The following TBC1D22B variants were observed in gnomAD, a reference collection of about 807,000 sequenced individuals.
TBC1D22B encodes TBC1 domain family member 22B, also known as chromosome 6 open reading frame 197.
In TBC1D22B, 32 loss-of-function variants were observed where a neutral mutation model predicts 69.1. That is an observed-to-expected ratio of 0.46 (90% CI 0.35 to 0.62). TBC1D22B has a LOEUF of 0.62. Ranked by LOEUF, TBC1D22B falls within the 20% of genes least tolerant of loss-of-function variation. The probability of loss-of-function intolerance (pLI) is 0.00; values close to 1 mark genes in which losing one functional copy is unlikely to be tolerated. For synonymous variants in TBC1D22B, 206 were observed against 229.8 expected (o/e 0.90, Z 0.94); for missense variants, 462 against 630.9 (o/e 0.73, Z 2.87).
intron 8 of TBC1D22B, among the ~76,000 whole-genome samples, chr6:37,295,374 G>A (rs114071217): frequency 1.5e-3 from 232 of 152,284 alleles, no homozygotes; most frequent in African/African-American, 5.3e-3. Context: ...CCAAAGTCCT[G>A]AGAGTATAGG....
chr6:37,285,315 C>CTTTTTTTTTTTT lies in TBC1D22B; in HGVS notation c.801+867_801+878dup, dbSNP rs756459599. ...GCCAACTCCTTTTGGTCCTTCCCCA[C>CTTTTTTTTTTTT]TTTTTTTTTTTTTTTTTTTTTTTTT... On this transcript the variant is annotated intron_variant, in intron 6 of 12. Transcript: ENST00000373491. Among the ~76,000 whole-genome samples, 11 of 73,550 alleles carry CTTTTTTTTTTTT rather than the reference C, an allele frequency of 1.5e-4. 4 individuals carry two copies. Among genetic ancestry groups the CTTTTTTTTTTTT allele is most frequent in the African/African-American group, 4.7e-4 (8 of 16,846 alleles). 48.3% of individuals were successfully genotyped at this position (73,550 alleles called of 152,430 possible). A position where few individuals can be genotyped will look rare whatever the true frequency, so the allele number is the denominator to read the frequency against.
chr6:37,315,475 C>G (rs1009603280), intron 10 of TBC1D22B, among the ~76,000 whole-genome samples: 4 of 151,912 alleles, frequency 2.6e-5, no homozygotes, highest in African/African-American at 7.3e-5. Flanking sequence ...AAGGATCACT[C>G]GAGCCCAGGA....
intron 2 of TBC1D22B, among the ~76,000 whole-genome samples, chr6:37,272,891 T>C (rs1395052366): frequency 2.0e-5 from 3 of 152,188 alleles, no homozygotes; most frequent in Admixed American, 6.5e-5. Context: ...TGTTCAGATA[T>C]TGAGTAAGCA....
chr6:37,320,162 G>T (rs1768198432), intron 12 of TBC1D22B, among the ~76,000 whole-genome samples: 1 of 152,168 alleles, frequency 6.6e-6, no homozygotes, highest in African/African-American at 2.4e-5. Flanking sequence ...AGATATAAAG[G>T]GAGCCAGTAA....
At chr6:37,308,959 A>T (rs1368980017) in intron 8 of TBC1D22B, among the ~76,000 whole-genome samples, 1 of 149,182 alleles carries the variant, frequency 6.7e-6, no homozygotes, top group Non-Finnish European at 1.5e-5. Flanking sequence ...AAAAAAAAAA[A>T]AAGACAGTGC....
At chr6:37,280,544 A>G (rs1766791873) in intron 3 of TBC1D22B, among the ~76,000 whole-genome samples, 1 of 152,224 alleles carries the variant, frequency 6.6e-6, no homozygotes, top group Non-Finnish European at 1.5e-5. Context: ...GTGTTACTGG[A>G]CCAGGTGGCC....
intron 1 of TBC1D22B, among the ~76,000 whole-genome samples, chr6:37,263,045 C>T (rs187318529): frequency 6.6e-6 from 1 of 152,218 alleles, no homozygotes; most frequent in Non-Finnish European, 1.5e-5. Flanking sequence ...AGTGTGTTAA[C>T]TAACCTCTGG....
At chr6:37,299,242 A>G (rs1241518705) in intron 8 of TBC1D22B, among the ~76,000 whole-genome samples, 1 of 151,784 alleles carries the variant, frequency 6.6e-6, no homozygotes, top group Non-Finnish European at 1.5e-5. Flanking sequence ...TCATTTACCT[A>G]TTTTTTCTAA....
chr6:37,278,318 A>T (rs1270066756), intron 2 of TBC1D22B, among the ~76,000 whole-genome samples: 1 of 152,158 alleles, frequency 6.6e-6, no homozygotes, highest in East Asian at 1.9e-4. Flanking sequence ...CCAGCAGAAG[A>T]ACTTTTAACA....
chr6:37,274,496 C>G (rs563181373), intron 2 of TBC1D22B, among the ~76,000 whole-genome samples: 2 of 152,118 alleles, frequency 1.3e-5, no homozygotes, highest in African/African-American at 4.8e-5. Context: ...TTTAGTATTC[C>G]CTGCACTTCT....
chr6:37,258,495 TTTATC>T (rs1340826202), intron 1 of TBC1D22B, among the ~76,000 whole-genome samples: 1 of 152,178 alleles, frequency 6.6e-6, no homozygotes, highest in Non-Finnish European at 1.5e-5. Flanking sequence ...CTGACCTTAC[TTTATC>T]TTGAGTTGGC....
intron 8 of TBC1D22B, among the ~76,000 whole-genome samples, chr6:37,304,134 T>C (rs1225695219): frequency 6.6e-6 from 1 of 152,202 alleles, no homozygotes; most frequent in Non-Finnish European, 1.5e-5. Flanking sequence ...GATACTGTGC[T>C]GAATTAGCCG....
At chr6:37,316,440 C>T (rs907284753) in intron 10 of TBC1D22B, among the ~76,000 whole-genome samples, 2 of 152,182 alleles carry the variant, frequency 1.3e-5, no homozygotes, top group African/African-American at 4.8e-5. Flanking sequence ...GTGGCCAGAG[C>T]GGCCCCACAA....
chr6:37,299,134 G>A (rs1045796229), intron 8 of TBC1D22B, among the ~76,000 whole-genome samples: 3 of 152,112 alleles, frequency 2.0e-5, no homozygotes, highest in Non-Finnish European at 4.4e-5. Flanking sequence ...GATAAACCAT[G>A]GTTTGTGTTT....
intron 8 of TBC1D22B, among the ~76,000 whole-genome samples, chr6:37,301,993 C>G (rs992174631): frequency 2.0e-5 from 3 of 152,156 alleles, no homozygotes; most frequent in Non-Finnish European, 4.4e-5. Flanking sequence ...CTAGTGGAGC[C>G]GTGGGGTCCA....
chr6:37,301,684 C>T (rs922851664), intron 8 of TBC1D22B, among the ~76,000 whole-genome samples: 1 of 152,230 alleles, frequency 6.6e-6, no homozygotes, highest in African/African-American at 2.4e-5. Flanking sequence ...TCTCCCCACC[C>T]TCACACCTTT....
chr6:37,305,112 C>T (rs987705466), intron 8 of TBC1D22B, among the ~76,000 whole-genome samples: 2 of 151,262 alleles, frequency 1.3e-5, no homozygotes, highest in African/African-American at 4.9e-5. Flanking sequence ...TGCTCCTGGG[C>T]TGTTGTGGAT....
At chr6:37,281,765 T>C (rs907937640) in intron 3 of TBC1D22B, among the ~76,000 whole-genome samples, 1 of 152,244 alleles carries the variant, frequency 6.6e-6, no homozygotes, top group African/African-American at 2.4e-5. Context: ...TGCCTTAGAC[T>C]AAACTAAACT....
intron 8 of TBC1D22B, among the ~76,000 whole-genome samples, chr6:37,300,078 A>G (rs1415819375): frequency 6.6e-6 from 1 of 151,608 alleles, no homozygotes; most frequent in Non-Finnish European, 1.5e-5. Flanking sequence ...TGGCTTTAAC[A>G]TTTAACTTTT....
Sources: allele counts gnomAD v4.1 joint callset (sites outside exome capture counted in the v4.1 genomes callset), GRCh38; gene constraint gnomAD v4.1.1; transcripts MANE v1.5; gene names NCBI Gene and HGNC (gene_info 2026-07-23, HGNC 2026-07-21).